KCNIP4: variants seen among roughly 807,000 people sequenced by gnomAD.
KCNIP4 encodes Kv channel-interacting protein 4.
A neutral mutation model predicts 34.0 loss-of-function variants in KCNIP4; 12 were observed. The observed-to-expected ratio is 0.35, with a 90% CI of 0.23 to 0.57. The LOEUF is 0.57. KCNIP4 is among the 20% of genes least tolerant of loss of function. The pLI is 0.83. For synonymous variants in KCNIP4, 124 were observed against 102.2 expected, an observed-to-expected ratio of 1.21 and a Z score of -1.29; for missense variants, 238 against 311.7, an observed-to-expected ratio of 0.76 and a Z score of 1.78.
Position 21,200,282 on chromosome 4 carries a change from ATG to A in KCNIP4, c.62-317575_62-317574del, listed in dbSNP as rs201279286. ...CTGATGAGTGGATAAAGAAAATGTG[ATG>A]TGTGTGTGTGTGTGTGTATATATAT... On this transcript the variant is annotated intron_variant, in intron 1 of 8. Coordinates refer to ENST00000382152, the MANE Select transcript of KCNIP4 (RefSeq NM_025221.6). 1.9e-3 allele frequency among the ~76,000 whole-genome samples: 266 copies of A among 141,284 alleles called. 9 individuals are homozygous for A. Among genetic ancestry groups the A allele is most frequent in the African/African-American group, 5.4e-3 (202 of 37,532 alleles). The allele number at this position is 141,284 out of a possible 152,430, so 92.7% of individuals were successfully genotyped here. A position where few individuals can be genotyped will look rare whatever the true frequency, so the allele number is the denominator to read the frequency against.
chr4:20,982,604 T>A (rs902126449), intron 1 of KCNIP4, among the ~76,000 whole-genome samples: 6 of 152,230 alleles, frequency 3.9e-5, no homozygotes, highest in African/African-American at 1.4e-4. Context: ...AAGATTACAA[T>A]AGAATGTATG....
At chr4:21,196,436 C>T (rs1027595884) in intron 1 of KCNIP4, among the ~76,000 whole-genome samples, 1 of 152,116 alleles carries the variant, frequency 6.6e-6, no homozygotes, top group African/African-American at 2.4e-5. Flanking sequence ...CAAAATGATA[C>T]CACCCCAGGA....
intron 1 of KCNIP4, among the ~76,000 whole-genome samples, chr4:21,445,160 G>A (rs1727864597): frequency 6.6e-6 from 1 of 152,156 alleles, no homozygotes; most frequent in African/African-American, 2.4e-5. Context: ...CCATGCTCAT[G>A]GGCAGGAAGA....
chr4:21,059,151 T>C (rs1371523609), intron 1 of KCNIP4, among the ~76,000 whole-genome samples: 1 of 152,052 alleles, frequency 6.6e-6, no homozygotes, highest in Non-Finnish European at 1.5e-5. Context: ...AATTACCTAG[T>C]TTTGGGTATG....
At chr4:21,615,263 G>A (rs1036615778) in intron 1 of KCNIP4, among the ~76,000 whole-genome samples, 10 of 151,984 alleles carry the variant, frequency 6.6e-5, no homozygotes, top group African/African-American at 9.7e-5. Flanking sequence ...ATATAGGGCC[G>A]GGCGCGGTGG....
intron 1 of KCNIP4, among the ~76,000 whole-genome samples, chr4:21,285,840 C>CAAATA (rs1242977006): frequency 7.9e-5 from 12 of 152,082 alleles, no homozygotes; most frequent in African/African-American, 2.9e-4. Context: ...GATCCTGTCT[C>CAAATA]AAATAAAATA....
chr4:21,213,423 T>A (rs1200800986), intron 1 of KCNIP4, among the ~76,000 whole-genome samples: 1 of 152,114 alleles, frequency 6.6e-6, no homozygotes, highest in Non-Finnish European at 1.5e-5. Context: ...TGCCTCAGCC[T>A]TCCAAGTAGC....
At chr4:20,809,804 C>T (rs1306760138) in intron 3 of KCNIP4, among the ~76,000 whole-genome samples, 5 of 152,170 alleles carry the variant, frequency 3.3e-5, no homozygotes, top group Admixed American at 1.3e-4. Flanking sequence ...GAGGTGAATG[C>T]AGCTGCAGCT....
rs1560637409 is a variant in KCNIP4, at chr4:21,694,943, A to AAAAAAAAAAAAAAAAAAAAC, written c.61+253627_61+253628insGTTTTTTTTTTTTTTTTTTT. On this transcript the variant is annotated intron_variant, in intron 1 of 8. Transcript: ENST00000382152. The stretch of plus-strand genomic sequence containing the variant: ...AAAAAAAAAAAAATAAAAATAAATA[A>AAAAAAAAAAAAAAAAAAAAC]ATAAATAAAGGGCTTTTTGGTAAAA... Among the ~76,000 whole-genome samples the AAAAAAAAAAAAAAAAAAAAC allele has an allele frequency of 2.0e-4, 9 of 45,334 alleles. 2 individuals are homozygous for AAAAAAAAAAAAAAAAAAAAC. The highest frequency in any genetic ancestry group is 4.4e-4 in the African/African-American group (8 of 18,042). 29.7% of individuals were successfully genotyped at this position (45,334 alleles called of 152,430 possible).
At chr4:21,920,288 AAT>A (rs1308641554) in intron 1 of KCNIP4, among the ~76,000 whole-genome samples, 1 of 152,148 alleles carries the variant, frequency 6.6e-6, no homozygotes, top group Non-Finnish European at 1.5e-5. Context: ...AAGGATTGAA[AAT>A]ATAGTTTTAA....
intron 1 of KCNIP4, among the ~76,000 whole-genome samples, chr4:21,433,194 A>G (rs899585574): frequency 1.3e-5 from 2 of 152,250 alleles, no homozygotes; most frequent in African/African-American, 4.8e-5. Context: ...GACATGATGC[A>G]AGCTGAAGCT....
chr4:20,980,261 C>T (rs1577477732), intron 1 of KCNIP4, among the ~76,000 whole-genome samples: 1 of 152,282 alleles, frequency 6.6e-6, no homozygotes, highest in South Asian at 2.1e-4. Context: ...TCAGTCAATA[C>T]CCAACAGGGT....
intron 1 of KCNIP4, among the ~76,000 whole-genome samples, chr4:20,938,305 G>C (rs796296726): frequency 6.6e-6 from 1 of 151,324 alleles, no homozygotes; most frequent in African/African-American, 2.4e-5. Flanking sequence ...GTAAACACAA[G>C]AGCTTTTGGT....
intron 1 of KCNIP4, among the ~76,000 whole-genome samples, chr4:20,979,597 A>G (rs1055730249): frequency 2.0e-5 from 3 of 151,718 alleles, no homozygotes; most frequent in African/African-American, 4.8e-5. Context: ...ACAGGGTTTC[A>G]CCGTGTTATT....
At chr4:20,961,637 C>T (rs1032131584) in intron 1 of KCNIP4, among the ~76,000 whole-genome samples, 1 of 152,128 alleles carries the variant, frequency 6.6e-6, no homozygotes, top group Non-Finnish European at 1.5e-5. Flanking sequence ...GTATAAACTA[C>T]AAAGCGCTGG....
intron 3 of KCNIP4, among the ~76,000 whole-genome samples, chr4:20,814,073 T>C (rs1716090750): frequency 6.6e-6 from 1 of 152,138 alleles, no homozygotes; most frequent in Non-Finnish European, 1.5e-5. Context: ...TTTCCTAGTT[T>C]TTTTTCTCTA....
intron 1 of KCNIP4, among the ~76,000 whole-genome samples, chr4:21,901,980 T>C (rs1482049375): frequency 6.6e-6 from 1 of 152,146 alleles, no homozygotes; most frequent in Non-Finnish European, 1.5e-5. Context: ...ATAAATTTAA[T>C]AGAATCACAA....
chr4:21,636,156 G>A (rs1327004822), intron 1 of KCNIP4, among the ~76,000 whole-genome samples: 1 of 119,724 alleles, frequency 8.4e-6, no homozygotes, highest in African/African-American at 3.1e-5. Flanking sequence ...GGGGGAGGGG[G>A]GAGGGATAGC....
intron 2 of KCNIP4, among the ~76,000 whole-genome samples, chr4:20,854,453 G>A (rs1337310570): frequency 6.6e-6 from 1 of 152,160 alleles, no homozygotes; most frequent in African/African-American, 2.4e-5. Flanking sequence ...GAACGCAAAG[G>A]CATAAGAATG....
Sources: allele counts gnomAD v4.1 joint callset (sites outside exome capture counted in the v4.1 genomes callset), GRCh38; gene constraint gnomAD v4.1.1; transcripts MANE v1.5; gene names NCBI Gene and HGNC (gene_info 2026-07-23, HGNC 2026-07-21).